The following UBTD1 variants were observed in gnomAD, a reference collection of about 807,000 sequenced individuals.
UBTD1 encodes ubiquitin domain containing 1, also known as ubiquitin domain-containing protein 1.
A neutral mutation model predicts 21.7 loss-of-function variants in UBTD1; 19 were observed. The ratio of observed to expected loss-of-function variants is 0.87; its 90% confidence interval spans 0.61 to 1.28. The LOEUF is 1.28. Ranked by LOEUF, UBTD1 falls within the 50% of genes most tolerant of loss-of-function variation. The pLI, the probability that UBTD1 is intolerant of heterozygous loss-of-function variation, is 0.00. For synonymous variants in UBTD1, 116 were observed against 135.1 expected (o/e 0.86, Z 0.98); for missense variants, 282 against 315.1 (o/e 0.89, Z 0.80).
chr10:97,545,623 G>A (rs1175888150), intron 1 of UBTD1, among the ~76,000 whole-genome samples: 2 of 152,168 alleles, frequency 1.3e-5, no homozygotes, highest in African/African-American at 2.4e-5. Flanking sequence ...TGTGTGGCTG[G>A]GAACACTCCC....
chr10:97,521,340 C>G (rs964368269), intron 1 of UBTD1, among the ~76,000 whole-genome samples: 4 of 152,192 alleles, frequency 2.6e-5, no homozygotes, highest in African/African-American at 9.7e-5. Context: ...GGATGCCTGG[C>G]ACTCATGAGT....
intron 1 of UBTD1, among the ~76,000 whole-genome samples, chr10:97,503,677 A>G (rs981869316): frequency 1.3e-5 from 2 of 152,132 alleles, no homozygotes; most frequent in Non-Finnish European, 2.9e-5. Context: ...GTAATTGGGC[A>G]ACTTCTCCAT....
chr10:97,536,718 T>C (rs2040563534), intron 1 of UBTD1, among the ~76,000 whole-genome samples: 1 of 152,144 alleles, frequency 6.6e-6, no homozygotes, highest in Admixed American at 6.5e-5. Context: ...TACCTTCTAC[T>C]GGGAATGACT....
chr10:97,541,857 C>T (rs2135675181), intron 1 of UBTD1, among the ~76,000 whole-genome samples: 1 of 151,820 alleles, frequency 6.6e-6, no homozygotes, highest in African/African-American at 2.4e-5. Context: ...GCCTCAGCCT[C>T]CCGAGTAGCT....
At chr10:97,530,421 G>A (rs2040523616) in intron 1 of UBTD1, among the ~76,000 whole-genome samples, 1 of 152,230 alleles carries the variant, frequency 6.6e-6, no homozygotes, top group Non-Finnish European at 1.5e-5. Context: ...CTGGGCTACA[G>A]AGTGAGACCC....
chr10:97,530,161 A>T (rs2040521835), intron 1 of UBTD1, among the ~76,000 whole-genome samples: 1 of 152,172 alleles, frequency 6.6e-6, no homozygotes, highest in Non-Finnish European at 1.5e-5. Context: ...GTTCCCCAGC[A>T]CGGGGCCTGG....
At chr10:97,532,168 C>T (rs2040534911) in intron 1 of UBTD1, among the ~76,000 whole-genome samples, 1 of 152,164 alleles carries the variant, frequency 6.6e-6, no homozygotes. Flanking sequence ...GAGGGAGCAC[C>T]TTGGGTCAAG....
intron 1 of UBTD1, among the ~76,000 whole-genome samples, chr10:97,520,850 G>A (rs1269725376): frequency 6.6e-6 from 1 of 152,196 alleles, no homozygotes; most frequent in Non-Finnish European, 1.5e-5. Flanking sequence ...AGAAAGGAGA[G>A]AGAGGCCGTG....
Position 97,570,568 on chromosome 10 carries a change from G to T in UBTD1, c.*45G>T. 6.5e-7 allele frequency: 1 copy of T among 1,544,788 alleles called. No homozygotes were observed. Among genetic ancestry groups the T allele is most frequent in the Non-Finnish European group, 8.8e-7 (1 of 1,140,882 alleles). ...GAAGAGGCCCCGCCTGGAGCACTAGGCCCCCACCCTGCTGCTGCCTTCCAG... is the reference window on the plus strand; with the variant it reads ...GAAGAGGCCCCGCCTGGAGCACTAGTCCCCCACCCTGCTGCTGCCTTCCAG... On this transcript the variant is annotated 3_prime_UTR_variant, in exon 3 of 3. Transcript: ENST00000370664. The surrounding 1 kb of genome is among the most constrained non-coding windows in gnomAD (Gnocchi z 6.6).
chr10:97,536,525 A>T (rs2040562743), intron 1 of UBTD1, among the ~76,000 whole-genome samples: 1 of 152,192 alleles, frequency 6.6e-6, no homozygotes, highest in African/African-American at 2.4e-5. Flanking sequence ...TTGTGTTCAG[A>T]CATTTATGTA....
At chr10:97,511,564 A>G (rs565340045) in intron 1 of UBTD1, among the ~76,000 whole-genome samples, 1 of 152,178 alleles carries the variant, frequency 6.6e-6, no homozygotes, top group African/African-American at 2.4e-5. Context: ...ACCTTCATGG[A>G]TTTGTCCCTC....
At chr10:97,538,174 G>C (rs1257901883) in intron 1 of UBTD1, among the ~76,000 whole-genome samples, 2 of 151,906 alleles carry the variant, frequency 1.3e-5, no homozygotes, top group African/African-American at 4.8e-5. Flanking sequence ...CAGTTTGCCT[G>C]CTTGTTTTGC....
chr10:97,526,410 G>A (rs1443838117), intron 1 of UBTD1, among the ~76,000 whole-genome samples: 1 of 152,164 alleles, frequency 6.6e-6, no homozygotes, highest in East Asian at 1.9e-4. Flanking sequence ...CTAAATGTGT[G>A]ACTCAAGGAC....
At chr10:97,527,924 G>A (rs1589872759) in intron 1 of UBTD1, among the ~76,000 whole-genome samples, 1 of 152,054 alleles carries the variant, frequency 6.6e-6, no homozygotes, top group South Asian at 2.1e-4. Context: ...CCACAAAACC[G>A]CCATTGTCAT....
At chr10:97,549,579 G>A (rs2040626606) in intron 1 of UBTD1, among the ~76,000 whole-genome samples, 1 of 152,228 alleles carries the variant, frequency 6.6e-6, no homozygotes, top group Non-Finnish European at 1.5e-5. Context: ...GAGCCGAGAA[G>A]GGGGCTCTCA....
At chr10:97,547,021 C>T (rs2040614266) in intron 1 of UBTD1, among the ~76,000 whole-genome samples, 1 of 152,154 alleles carries the variant, frequency 6.6e-6, no homozygotes, top group African/African-American at 2.4e-5. Flanking sequence ...AATAAAGTGG[C>T]TAGGGCAGAA....
intron 1 of UBTD1, among the ~76,000 whole-genome samples, chr10:97,542,186 A>G (rs1266311250): frequency 3.3e-5 from 5 of 152,060 alleles, no homozygotes. Flanking sequence ...AGCCAGGCCC[A>G]CCACCCAGGC....
chr10:97,509,658 C>A (rs1218672908), intron 1 of UBTD1, among the ~76,000 whole-genome samples: 1 of 151,846 alleles, frequency 6.6e-6, no homozygotes, highest in Non-Finnish European at 1.5e-5. Flanking sequence ...CCTTTTTTTT[C>A]CCCCCACCCT....
At chr10:97,525,522 C>T (rs1345029238) in intron 1 of UBTD1, among the ~76,000 whole-genome samples, 1 of 152,162 alleles carries the variant, frequency 6.6e-6, no homozygotes, top group Non-Finnish European at 1.5e-5. Flanking sequence ...GACTTGGAAG[C>T]TCATGGAGGG....
Sources: gnomAD v4.1 joint callset for allele counts (sites outside exome capture counted in the v4.1 genomes callset) on GRCh38, gnomAD v4.1.1 for gene constraint, Gnocchi (gnomAD v3.1) non-coding constraint, MANE v1.5 for transcripts, NCBI Gene and HGNC (gene_info 2026-07-23, HGNC 2026-07-21) for gene names.